The following PXDNL variants were observed in gnomAD, a reference collection of about 807,000 sequenced individuals.
PXDNL encodes the protein probable oxidoreductase PXDNL.
Under a neutral mutation model 150.8 loss-of-function variants are expected in PXDNL, and 145 were observed. That is an observed-to-expected ratio of 0.96 (90% CI 0.84 to 1.10). PXDNL has a LOEUF of 1.10. Ranked by LOEUF, PXDNL falls within the 50% of genes least tolerant of loss-of-function variation. The pLI, the probability that PXDNL is intolerant of heterozygous loss-of-function variation, is 0.00. For missense variants in PXDNL, 2,087 were observed against 1,873.9 expected (o/e 1.11, Z -2.10); for synonymous variants, 757 against 725.7 (o/e 1.04, Z -0.69).
intron 1 of PXDNL, among the ~76,000 whole-genome samples, chr8:51,674,094 T>C (rs1182693586): frequency 6.6e-6 from 1 of 152,222 alleles, no homozygotes; most frequent in Non-Finnish European, 1.5e-5. Context: ...TTCATCTCTT[T>C]AATACTCAGT....
intron 1 of PXDNL, among the ~76,000 whole-genome samples, chr8:51,685,988 A>G (rs536900974): frequency 6.6e-6 from 1 of 152,324 alleles, no homozygotes; most frequent in East Asian, 1.9e-4. Context: ...AGATATTCAA[A>G]TTTCAGAAGT....
intron 4 of PXDNL, among the ~76,000 whole-genome samples, chr8:51,542,818 AAAAG>A (rs1047441207): frequency 4.6e-5 from 7 of 152,150 alleles, no homozygotes; most frequent in African/African-American, 1.2e-4. Flanking sequence ...TCAAAAAAAA[AAAAG>A]AAAGAAAGAA....
At chr8:51,686,769 A>G (rs1310572175) in intron 1 of PXDNL, among the ~76,000 whole-genome samples, 1 of 152,226 alleles carries the variant, frequency 6.6e-6, no homozygotes, top group Non-Finnish European at 1.5e-5. Flanking sequence ...TAAAAAATGA[A>G]ACAAGTGACA....
At chr8:51,630,322 T>C (rs1486795397) in intron 2 of PXDNL, among the ~76,000 whole-genome samples, 2 of 152,090 alleles carry the variant, frequency 1.3e-5, no homozygotes, top group Non-Finnish European at 2.9e-5. Flanking sequence ...CATGTAAAAC[T>C]ATAAAAACCT....
intron 1 of PXDNL, among the ~76,000 whole-genome samples, chr8:51,736,766 C>A (rs925410625): frequency 2.0e-5 from 3 of 152,134 alleles, no homozygotes; most frequent in African/African-American, 7.2e-5. Context: ...ATGATAAGTT[C>A]ATCATTTCCT....
chr8:51,547,376 T>G (rs75245478), intron 4 of PXDNL, among the ~76,000 whole-genome samples: 2,235 of 152,042 alleles, frequency 0.015, 54 homozygotes, highest in African/African-American at 0.05. Context: ...ACTAGCATAA[T>G]CAGCATTCAA....
chr8:51,649,692 A>AT (rs1312955030), intron 2 of PXDNL, among the ~76,000 whole-genome samples: 2 of 152,018 alleles, frequency 1.3e-5, no homozygotes, highest in Non-Finnish European at 2.9e-5. Flanking sequence ...CATTAATGCT[A>AT]TTTCTTTCTT....
At chr8:51,344,768 A>G (rs928277990) in intron 20 of PXDNL, among the ~76,000 whole-genome samples, 5 of 152,244 alleles carry the variant, frequency 3.3e-5, no homozygotes, top group African/African-American at 9.6e-5. Context: ...AGTGCTTTAC[A>G]TATGTATCCT....
chr8:51,729,372 A>T (rs947864898), intron 1 of PXDNL, among the ~76,000 whole-genome samples: 3 of 152,236 alleles, frequency 2.0e-5, no homozygotes, highest in Non-Finnish European at 4.4e-5. Context: ...AAGAAGATAT[A>T]CAGATGAGAA....
At position 51,564,550 on chromosome 8, in the gene PXDNL, C is replaced by G. The variant is rs1223037951; in HGVS notation, c.309-7639G>C. 2.6e-5 allele frequency among the ~76,000 whole-genome samples: 4 copies of G among 151,350 alleles called. No individual in the cohort carries two copies. In the East Asian group the frequency reaches 7.9e-4, roughly 30 times the overall value. ...CCACCCTCAAGTAGGCACACTGGTGCCTACTTGGACACATTTGTGTCCATA... is the reference window on the plus strand; with the variant it reads ...CCACCCTCAAGTAGGCACACTGGTGGCTACTTGGACACATTTGTGTCCATA... On this transcript the variant is annotated intron_variant, in intron 3 of 22. Transcript: ENST00000356297.
In PXDNL at chr8:51,409,076, C is replaced by T. The variant is rs1222145180; in HGVS notation, c.2548G>A (p.Ala850Thr). The T allele has an allele frequency of 6.2e-7, 1 of 1,609,426 alleles. No homozygotes were observed. The highest frequency in any genetic ancestry group is 8.5e-7 in the Non-Finnish European group (1 of 1,179,410). Residue 850 changes from alanine to threonine, a missense_variant, in exon 17 of 23, where the codon GCC becomes ACC. Coordinates refer to ENST00000356297, the MANE Select transcript of PXDNL (RefSeq NM_144651.5). The stretch of plus-strand genomic sequence containing the variant: ...GGCGCGTGGGTGCCCCGGGGGTCGG[C>T]GTGCCGGGTGTTCATGGGGAAACAA... ...PPCFPMNTRH[A>T]DPRGTHAPCM...
chr8:51,374,679 C>A lies in PXDNL; in HGVS notation c.3610G>T (p.Asp1204Tyr). 1 of 1,613,936 alleles carries A rather than the reference C, an allele frequency of 6.2e-7. No homozygotes were observed. Among genetic ancestry groups the A allele is most frequent in the Admixed American group, 1.7e-5 (1 of 60,016 alleles). ...IDLWPALMVE[D>Y]LIPGTRVGPT... ...CCCACTCTTGTACCAGGAATCAGGT[C>A]TTCAACCATAAGGGCGGGCCAGAGG... Residue 1204 changes from aspartate to tyrosine, a missense_variant, in exon 18 of 23, where the codon GAC (aspartate) becomes TAC (tyrosine). Asp to Tyr is a radical substitution (Grantham distance 160). Coordinates refer to ENST00000356297, the MANE Select transcript of PXDNL (RefSeq NM_144651.5).
At chr8:51,555,969 G>A (rs1585576877) in intron 4 of PXDNL, among the ~76,000 whole-genome samples, 2 of 152,186 alleles carry the variant, frequency 1.3e-5, no homozygotes, top group South Asian at 4.1e-4. Flanking sequence ...GTCAGTTTGA[G>A]TTGTAATAAT....
At chr8:51,335,679 C>A (rs58921962) in intron 21 of PXDNL, among the ~76,000 whole-genome samples, 17,218 of 128,946 alleles carry the variant, frequency 0.13, 1,473 homozygotes, top group African/African-American at 0.3. Context: ...TCATTATATA[C>A]CCTACACACA....
At chr8:51,460,084 CA>C (rs913978807) in intron 8 of PXDNL, among the ~76,000 whole-genome samples, 2 of 150,920 alleles carry the variant, frequency 1.3e-5, no homozygotes, top group African/African-American at 2.4e-5. Context: ...CCTGTCTCTA[CA>C]AAAAAAATCT....
chr8:51,541,228 G>A (rs906013483), intron 4 of PXDNL, among the ~76,000 whole-genome samples: 20 of 147,240 alleles, frequency 1.4e-4, no homozygotes, highest in African/African-American at 4.4e-4. Flanking sequence ...GCTGCACTCC[G>A]GCCTGGCGAC....
chr8:51,500,947 G>C (rs1219960933), intron 4 of PXDNL, among the ~76,000 whole-genome samples: 1 of 152,168 alleles, frequency 6.6e-6, no homozygotes, highest in East Asian at 1.9e-4. Flanking sequence ...TTCATTCCTA[G>C]GCTTCCTTCT....
intron 20 of PXDNL, among the ~76,000 whole-genome samples, chr8:51,343,015 C>T (rs6986409): frequency 6.6e-6 from 1 of 151,530 alleles, no homozygotes; most frequent in Non-Finnish European, 1.5e-5. Flanking sequence ...AGAGAGGCAA[C>T]GAGCCCAGGT....
intron 1 of PXDNL, among the ~76,000 whole-genome samples, chr8:51,772,453 G>T (rs2037309106): frequency 1.3e-5 from 2 of 152,176 alleles, no homozygotes; most frequent in South Asian, 4.1e-4. Context: ...CCTGGAGCCA[G>T]GGTGGCCTAA....
Sources: allele counts gnomAD v4.1 joint callset (sites outside exome capture counted in the v4.1 genomes callset), GRCh38; gene constraint gnomAD v4.1.1; transcripts MANE v1.5; gene names NCBI Gene and HGNC (gene_info 2026-07-23, HGNC 2026-07-21).